ATF7IP2: variants seen among roughly 807,000 people sequenced by gnomAD.
The protein encoded by ATF7IP2 is activating transcription factor 7-interacting protein 2.
In ATF7IP2, 42 loss-of-function variants were observed where a neutral mutation model predicts 64.2. The ratio of observed to expected loss-of-function variants is 0.65; its 90% confidence interval spans 0.51 to 0.85. The LOEUF (loss-of-function observed/expected upper bound fraction) is 0.85, where lower values mean the gene tolerates loss of function less well. ATF7IP2 is among the 40% of genes least tolerant of loss of function. The probability of loss-of-function intolerance (pLI) is 0.00; values close to 1 mark genes in which losing one functional copy is unlikely to be tolerated. For synonymous variants in ATF7IP2, 308 were observed against 272.8 expected (o/e 1.13, Z -1.27); for missense variants, 933 against 784.2 (o/e 1.19, Z -2.27).
At chr16:10,474,203 C>T (rs2049918722) in intron 12 of ATF7IP2, among the ~76,000 whole-genome samples, 1 of 152,158 alleles carries the variant, frequency 6.6e-6, no homozygotes, top group African/African-American at 2.4e-5. Flanking sequence ...CTTGTTTCTG[C>T]CCCAATCCCT....
chr16:10,442,923 T>A (rs2048677477), intron 8 of ATF7IP2, among the ~76,000 whole-genome samples: 1 of 152,158 alleles, frequency 6.6e-6, no homozygotes, highest in South Asian at 2.1e-4. Context: ...CTGCAGCTGT[T>A]TGGTTTCATG....
At chr16:10,421,883 T>C (rs1431255169) in intron 3 of ATF7IP2, among the ~76,000 whole-genome samples, 2 of 152,244 alleles carry the variant, frequency 1.3e-5, no homozygotes, top group Admixed American at 1.3e-4. Context: ...GCAGGAATTG[T>C]AAATACAAGC....
intron 8 of ATF7IP2, among the ~76,000 whole-genome samples, chr16:10,443,467 A>G (rs1212348243): frequency 6.6e-6 from 1 of 152,130 alleles, no homozygotes; most frequent in African/African-American, 2.4e-5. Context: ...AAAGCGGACA[A>G]CCTGGGCCTC....
At chr16:10,426,074 T>C (rs1321933100) in intron 3 of ATF7IP2, among the ~76,000 whole-genome samples, 1 of 152,190 alleles carries the variant, frequency 6.6e-6, no homozygotes, top group African/African-American at 2.4e-5. Context: ...CCTTTCCTCT[T>C]TCTATGTGCT....
chr16:10,394,430 A>G (rs1213685929), intron 1 of ATF7IP2, among the ~76,000 whole-genome samples: 1 of 152,240 alleles, frequency 6.6e-6, no homozygotes, highest in Non-Finnish European at 1.5e-5. Context: ...CAGTTCAGTA[A>G]TAATTGGAGA....
intron 9 of ATF7IP2, among the ~76,000 whole-genome samples, chr16:10,466,635 T>C (rs112778230): frequency 0.012 from 1,854 of 152,358 alleles, 45 homozygotes; most frequent in African/African-American, 0.042. Flanking sequence ...ATTTGCATGT[T>C]AGCCATTTGG....
intron 9 of ATF7IP2, among the ~76,000 whole-genome samples, chr16:10,469,892 T>TA (rs34620633): frequency 0.011 from 1,675 of 147,024 alleles, 28 homozygotes; most frequent in African/African-American, 0.036. Context: ...ATTGAAAGTT[T>TA]AAAAAAAAAA....
At chr16:10,458,801 C>G (rs940177335) in intron 9 of ATF7IP2, among the ~76,000 whole-genome samples, 3 of 152,202 alleles carry the variant, frequency 2.0e-5, no homozygotes, top group African/African-American at 7.2e-5. Flanking sequence ...AAAATAGATG[C>G]AGCCGTCCTA....
At chr16:10,413,080 C>A (rs925761058) in intron 1 of ATF7IP2, among the ~76,000 whole-genome samples, 8 of 152,158 alleles carry the variant, frequency 5.3e-5, no homozygotes, top group African/African-American at 1.4e-4. Context: ...CTCTTCAAGG[C>A]AGGAGATAGT....
intron 9 of ATF7IP2, among the ~76,000 whole-genome samples, chr16:10,469,243 GTA>G (rs2049698038): frequency 6.6e-6 from 1 of 152,038 alleles, no homozygotes; most frequent in South Asian, 2.1e-4. Flanking sequence ...AGTGAAAGAG[GTA>G]TAGAAAATGT....
intron 8 of ATF7IP2, among the ~76,000 whole-genome samples, chr16:10,444,317 C>A (rs2048730941): frequency 6.6e-6 from 1 of 152,062 alleles, no homozygotes; most frequent in African/African-American, 2.4e-5. Context: ...GCCTTTTTCA[C>A]CTGAGTGTGA....
At chr16:10,466,263 TGTTTA>T (rs1420952720) in intron 9 of ATF7IP2, among the ~76,000 whole-genome samples, 5 of 152,252 alleles carry the variant, frequency 3.3e-5, no homozygotes, top group East Asian at 1.9e-4. Context: ...ACAATTAATC[TGTTTA>T]GTTCAGTTCA....
intron 2 of ATF7IP2, among the ~76,000 whole-genome samples, chr16:10,417,306 A>G (rs901781774): frequency 2.6e-5 from 4 of 152,176 alleles, no homozygotes; most frequent in Non-Finnish European, 5.9e-5. Context: ...TTCAAAACCC[A>G]TCAACCACGT....
rs138366003 is a variant in ATF7IP2, at chr16:10,401,999, T to C, written c.-241-12575T>C. ...ATTTTGTTTATTTGGACCTTACCTC[T>C]TCTTGGTTGGTGTAGGTAGTAGTTT... On this transcript the variant is annotated intron_variant, in intron 1 of 13. Coordinates refer to ENST00000562102, the MANE Select transcript of ATF7IP2 (RefSeq NM_001393719.1). Among the ~76,000 whole-genome samples, 22 of 152,256 alleles carry C rather than the reference T, an allele frequency of 1.4e-4. 1 individual carries two copies. In the South Asian group the frequency reaches 3.9e-3, roughly 27 times the overall value.
intron 6 of ATF7IP2, among the ~76,000 whole-genome samples, chr16:10,437,009 G>A (rs1384078618): frequency 6.6e-6 from 1 of 151,448 alleles, no homozygotes; most frequent in East Asian, 1.9e-4. Flanking sequence ...AATTGTCCTT[G>A]GCTATTTTTC....
rs148868599 is a variant in ATF7IP2 at position 10,457,429 on chromosome 16, A to G, written c.1252A>G (p.Ile418Val). ...DKNLESVNSP[I>V]EKSSVNYEPS... ...GAATCTTGAGTCAGTTAATAGTCCA[A>G]TTGAAAAGTCTTCTGTGAATTATGA... Residue 418 changes from isoleucine (I) to valine (V), a missense_variant, in exon 9 of 14, where the codon ATT (isoleucine) becomes GTT (valine). By Grantham distance (29) the Ile-to-Val change is conservative. Transcript: ENST00000562102. The G allele has an allele frequency of 2.0e-4, 329 of 1,608,042 alleles. 1 individual carries two copies. The African/African-American group carries it at 3.0e-3, about 15-fold the overall frequency.
chr16:10,459,084 A>G (rs2049282340), intron 9 of ATF7IP2, among the ~76,000 whole-genome samples: 1 of 152,176 alleles, frequency 6.6e-6, no homozygotes, highest in African/African-American at 2.4e-5. Context: ...CTGTAATCCC[A>G]GCTCTTTGGG....
intron 1 of ATF7IP2, among the ~76,000 whole-genome samples, chr16:10,392,525 G>T (rs1339994557): frequency 1.3e-5 from 2 of 151,870 alleles, no homozygotes; most frequent in Non-Finnish European, 2.9e-5. Context: ...TGGCATTAGT[G>T]GTTAATTATT....
chr16:10,476,938 T>G (rs1018140740), intron 12 of ATF7IP2, among the ~76,000 whole-genome samples: 12 of 152,230 alleles, frequency 7.9e-5, no homozygotes, highest in Admixed American at 7.9e-4. Flanking sequence ...TCTTTGCTGT[T>G]GTGATTAGTG....
Sources: gnomAD v4.1 joint callset for allele counts (sites outside exome capture counted in the v4.1 genomes callset) on GRCh38, gnomAD v4.1.1 for gene constraint, MANE v1.5 for transcripts, NCBI Gene and HGNC (gene_info 2026-07-23, HGNC 2026-07-21) for gene names.